The following CLASRP variants were observed in gnomAD, a reference collection of about 807,000 sequenced individuals.
The protein encoded by CLASRP is CLK4-associating serine/arginine rich protein.
CLASRP carries 52 observed loss-of-function variants against 99.9 expected under a neutral mutation model. That is an observed-to-expected ratio of 0.52 (90% CI 0.42 to 0.66). The LOEUF (loss-of-function observed/expected upper bound fraction) is 0.66. Ranked by LOEUF, CLASRP falls within the 30% of genes least tolerant of loss-of-function variation. CLASRP has a pLI of 0.00. For missense variants in CLASRP, 848 were observed against 999.2 expected (o/e 0.85, Z 2.04); for synonymous variants, 379 against 373.0 (o/e 1.02, Z -0.18).
intron 15 of CLASRP, 74 bp downstream of exon 15, chr19:45,068,128 T>TGCAGGGGGGCCC: frequency 1.4e-6 from 2 of 1,427,344 alleles, no homozygotes; most frequent in Non-Finnish European, 2.0e-6. Context: ...CCGGTGGGCC[T>TGCAGGGGGGCCC]GCAGGGGGGC....
chr19:45,067,288 G>T lies in CLASRP; in HGVS notation c.1410-49G>T. On this transcript the variant is annotated intron_variant, in intron 13 of 20. Coordinates refer to ENST00000221455, the MANE Select transcript of CLASRP (RefSeq NM_007056.3). This position sits in a 1 kb window ranked among gnomAD's most constrained non-coding sequence, Gnocchi z 4.9. ...TCCGGACCCAGGGTGGGGTGCGGTTGGGGTCCCTGGAGCCTCACAGTCCTC... is the reference window on the plus strand; with the variant it reads ...TCCGGACCCAGGGTGGGGTGCGGTTTGGGTCCCTGGAGCCTCACAGTCCTC... The T allele has an allele frequency of 6.9e-7, 1 of 1,452,976 alleles. No homozygotes were observed. Among genetic ancestry groups the T allele is most frequent in the South Asian group, 1.4e-5 (1 of 70,788 alleles). The allele number at this position is 1,452,976 out of a possible 1,614,324, so 90.0% of individuals were successfully genotyped here.
chr19:45,066,518 G>A (rs1967090282), intron 13 of CLASRP, among the ~76,000 whole-genome samples: 1 of 150,886 alleles, frequency 6.6e-6, no homozygotes, highest in Non-Finnish European at 1.5e-5. Flanking sequence ...AGCTATTCAG[G>A]AGGCTGAGGC....
At chr19:45,042,117 G>A (rs1971824160) in intron 2 of CLASRP, among the ~76,000 whole-genome samples, 2 of 152,172 alleles carry the variant, frequency 1.3e-5, no homozygotes, top group Admixed American at 6.5e-5. Context: ...CAAGGCAGGT[G>A]GATCACCTCA....
intron 2 of CLASRP, among the ~76,000 whole-genome samples, chr19:45,044,942 G>A (rs1357142551): frequency 6.6e-6 from 1 of 152,198 alleles, no homozygotes; most frequent in African/African-American, 2.4e-5. Flanking sequence ...TCTTCCACAT[G>A]TGAAAGGATG....
At position 45,067,906 on chromosome 19, in the gene CLASRP, G is replaced by T. The variant is rs1967130186; in HGVS notation, c.1668-109G>T. ...CATGGTTGCACCCTGGGGCATCTGA[G>T]GCCCATGCCTTGGCTACCTGGTCTG... On this transcript the variant is annotated intron_variant, in intron 14 of 20. Transcript: ENST00000221455. This position sits in a 1 kb window ranked among gnomAD's most constrained non-coding sequence, Gnocchi z 4.9. The T allele has an allele frequency of 1.2e-6, 1 of 849,340 alleles. No homozygotes were observed. Among genetic ancestry groups the T allele is most frequent in the African/African-American group, 1.7e-5 (1 of 60,254 alleles). The allele number at this position is 849,340 out of a possible 1,614,324, so 52.6% of individuals were successfully genotyped here.
At position 45,053,288 on chromosome 19, in the gene CLASRP, T is replaced by C. The variant is rs189202783; in HGVS notation, c.379+111T>C. The C allele has an allele frequency of 1.1e-3, 1,163 of 1,029,496 alleles. 4 individuals carry two copies. The highest frequency in any genetic ancestry group is 1.6e-3 in the Non-Finnish European group (1,065 of 676,876). The allele number at this position is 1,029,496 out of a possible 1,614,324, so 63.8% of individuals were successfully genotyped here. A position where few individuals can be genotyped will look rare whatever the true frequency, so the allele number is the denominator to read the frequency against. On this transcript the variant is annotated intron_variant, in intron 5 of 20. Coordinates refer to ENST00000221455, the MANE Select transcript of CLASRP (RefSeq NM_007056.3). ...TCCACATACTTTCTACTAAAGGGCCTTGGGTTCCGGCTCCAGCTCTACGAT... is the reference window on the plus strand; with the variant it reads ...TCCACATACTTTCTACTAAAGGGCCCTGGGTTCCGGCTCCAGCTCTACGAT...
intron 5 of CLASRP, among the ~76,000 whole-genome samples, chr19:45,056,176 G>A (rs151093854): frequency 6.6e-6 from 1 of 152,294 alleles, no homozygotes; most frequent in East Asian, 1.9e-4. Flanking sequence ...CCAAGTACCA[G>A]GCCAGGCACT....
In CLASRP at chr19:45,064,246, G is replaced by A. The variant is rs1413376018; in HGVS notation, c.1121+19G>A. On this transcript the variant is annotated intron_variant, in intron 12 of 20. Transcript: ENST00000221455. ...GCGCCCGGTCGGTAACGCTCACGCC[G>A]CCCGCCCTACGCCCCGGTCACCATG... The A allele has an allele frequency of 8.9e-6, 14 of 1,565,426 alleles. No individual in the cohort carries two copies. The East Asian group carries it at 1.4e-4, about 16-fold the overall frequency.
At chr19:45,057,661 C>T (rs1431587028) in intron 6 of CLASRP, 89 bp from the exon 7 acceptor site, 2 of 1,468,198 alleles carry the variant, frequency 1.4e-6, no homozygotes, top group East Asian at 2.3e-5. Context: ...GGGGAGGGGG[C>T]CGTGGCACTC....
intron 10 of CLASRP, 138 bp from the exon 11 acceptor site, chr19:45,062,016 G>A: frequency 1.5e-6 from 1 of 676,858 alleles, no homozygotes; most frequent in Non-Finnish European, 2.7e-6. Context: ...ATTAAGGGGA[G>A]GCCCCCAACC....
At chr19:45,041,114 G>C (rs1600090565) in intron 2 of CLASRP, among the ~76,000 whole-genome samples, 1 of 151,862 alleles carries the variant, frequency 6.6e-6, no homozygotes, top group Admixed American at 6.6e-5. Flanking sequence ...CCAGCTACTC[G>C]GGAGGCTGAG....
chr19:45,058,921 C>G (rs1192354890), intron 7 of CLASRP, among the ~76,000 whole-genome samples: 1 of 151,624 alleles, frequency 6.6e-6, no homozygotes, highest in Non-Finnish European at 1.5e-5. Context: ...CCCATCCCTC[C>G]TTCCTTCCTT....
intron 13 of CLASRP, among the ~76,000 whole-genome samples, chr19:45,065,388 CAAAA>C (rs761472417): frequency 2.0e-4 from 17 of 84,976 alleles, no homozygotes; most frequent in East Asian, 4.1e-4. Flanking sequence ...GATTCCGTCT[CAAAA>C]AAAAAAAAAA....
At chr19:45,056,393 C>A in intron 5 of CLASRP, 57 bp from the exon 6 acceptor site, 1 of 1,503,610 alleles carries the variant, frequency 6.7e-7, no homozygotes, top group South Asian at 1.1e-5. Flanking sequence ...TGTGTTCCCC[C>A]ACTGAATTCC....
At chr19:45,069,270 T>A (rs770673265) in intron 18 of CLASRP, 22 bp downstream of exon 18, 1 of 1,611,750 alleles carries the variant, frequency 6.2e-7, no homozygotes, top group South Asian at 1.1e-5. Flanking sequence ...CCCCTCCCTG[T>A]CCCATGGCCA....
chr19:45,059,232 C>G, intron 7 of CLASRP, 36 bp from the exon 8 acceptor site: 4 of 1,567,440 alleles, frequency 2.6e-6, no homozygotes, highest in Non-Finnish European at 3.5e-6. Flanking sequence ...TCCTCTCGCT[C>G]GGCCGTGGCT....
At chr19:45,061,783 C>T (rs1020024720) in intron 10 of CLASRP, among the ~76,000 whole-genome samples, 16 of 151,604 alleles carry the variant, frequency 1.1e-4, no homozygotes, top group African/African-American at 3.9e-4. Context: ...CTATTTTAAT[C>T]TTATCATCAT....
intron 2 of CLASRP, among the ~76,000 whole-genome samples, chr19:45,049,394 G>GC (rs1349326832): frequency 1.3e-5 from 2 of 152,200 alleles, no homozygotes; most frequent in Non-Finnish European, 2.9e-5. Context: ...GCGAGGTGCA[G>GC]CATGAGTAGC....
rs531797744 is a variant in CLASRP at position 45,066,325 on chromosome 19, G to A, written c.1410-1012G>A. ...AGTAGAGACGGGGTTTCACTGTGTT[G>A]GCCAGGCTGGTCTTGAACTCCTGAC... On this transcript the variant is annotated intron_variant, in intron 13 of 20. Transcript: ENST00000221455. Among the ~76,000 whole-genome samples the A allele has an allele frequency of 7.9e-5, 12 of 152,098 alleles. 1 individual carries two copies. The South Asian group carries it at 2.1e-3, about 26-fold the overall frequency.
Sources: gnomAD v4.1 joint callset for allele counts (sites outside exome capture counted in the v4.1 genomes callset) on GRCh38, gnomAD v4.1.1 for gene constraint, Gnocchi (gnomAD v3.1) non-coding constraint, MANE v1.5 for transcripts, NCBI Gene and HGNC (gene_info 2026-07-23, HGNC 2026-07-21) for gene names.